Variants in CSMD1 observed in about 807,000 individuals in gnomAD.
The protein encoded by CSMD1 is CUB and Sushi multiple domains 1.
In CSMD1, 213 loss-of-function variants were observed where a neutral mutation model predicts 417.5. The observed-to-expected ratio is 0.51, with a 90% confidence interval of 0.46 to 0.57. CSMD1 has a LOEUF of 0.57. CSMD1 is among the 20% of genes least tolerant of loss of function. CSMD1 has a pLI of 0.00. For synonymous variants in CSMD1, 2,862 were observed against 1,736.8 expected (o/e 1.65, Z -16.11); for missense variants, 6,923 against 4,529.7 (o/e 1.53, Z -15.17).
In CSMD1 at chr8:4,420,041, G is replaced by C. The variant is rs977309876; in HGVS notation, c.327C>G (p.Ser109=). The C allele has an allele frequency of 1.4e-5, 22 of 1,574,500 alleles. No individual in the cohort carries two copies. The highest frequency in any genetic ancestry group is 1.8e-5 in the Non-Finnish European group (21 of 1,158,596). ...GGATAGATCCTGTACTCACTATAGA[G>C]GAGGGCAGCTGAAATCCCGATAATC... ...KVRLSGFQLP[S]SIVSTGSILT... Residue 109 remains serine, a synonymous_variant, in exon 3 of 70, where the codon TCC becomes TCG. Coordinates refer to ENST00000635120, the MANE Select transcript of CSMD1 (RefSeq NM_033225.6).
At chr8:3,953,784 C>G (rs1811741318) in intron 5 of CSMD1, among the ~76,000 whole-genome samples, 1 of 152,028 alleles carries the variant, frequency 6.6e-6, no homozygotes, top group Non-Finnish European at 1.5e-5. Flanking sequence ...CCACAAGCCC[C>G]GCAACACCTC....
intron 27 of CSMD1, 41 bp from the exon 28 acceptor site, chr8:3,223,908 C>A (rs746051170): frequency 1.9e-5 from 31 of 1,602,664 alleles, no homozygotes; most frequent in Non-Finnish European, 2.4e-5. Flanking sequence ...GTAAGGACAG[C>A]GAAGAACGCC....
At chr8:3,998,432 G>A (rs765054387) in intron 4 of CSMD1, among the ~76,000 whole-genome samples, 5 of 152,132 alleles carry the variant, frequency 3.3e-5, no homozygotes, top group Non-Finnish European at 5.9e-5. Flanking sequence ...GATTTTCTCC[G>A]AATCCTGGAA....
intron 1 of CSMD1, among the ~76,000 whole-genome samples, chr8:4,932,934 A>G (rs1807343253): frequency 6.6e-6 from 1 of 152,226 alleles, no homozygotes; most frequent in South Asian, 2.1e-4. Flanking sequence ...AAATTATTAT[A>G]GGTACATAAC....
intron 3 of CSMD1, among the ~76,000 whole-genome samples, chr8:4,058,004 C>T (rs1798785851): frequency 6.6e-6 from 1 of 151,496 alleles, no homozygotes; most frequent in Non-Finnish European, 1.5e-5. Context: ...TTAGGATTGA[C>T]TTGGCAATGT....
chr8:2,938,512 T>G lies in CSMD1; in HGVS notation c.*73A>C. On this transcript the variant is annotated 3_prime_UTR_variant, in exon 70 of 70. Coordinates refer to ENST00000635120, the MANE Select transcript of CSMD1 (RefSeq NM_033225.6). ...AGCCAGAGTGGAAGGGAGAGTGGTATATGGCACCAAAGGAATCACTGCTTG... is the reference window on the plus strand; with the variant it reads ...AGCCAGAGTGGAAGGGAGAGTGGTAGATGGCACCAAAGGAATCACTGCTTG... 7.0e-7 allele frequency: 1 copy of G among 1,430,698 alleles called. No homozygotes were observed. 88.6% of individuals were successfully genotyped at this position (1,430,698 alleles called of 1,614,324 possible). A position where few individuals can be genotyped will look rare whatever the true frequency, so the allele number is the denominator to read the frequency against.
intron 1 of CSMD1, among the ~76,000 whole-genome samples, chr8:4,813,217 A>T (rs1428305551): frequency 6.6e-6 from 1 of 152,234 alleles, no homozygotes; most frequent in Non-Finnish European, 1.5e-5. Flanking sequence ...AATATATTCA[A>T]GGAGCAAATG....
intron 3 of CSMD1, among the ~76,000 whole-genome samples, chr8:4,069,187 C>G (rs1381079562): frequency 2.0e-5 from 3 of 152,060 alleles, no homozygotes; most frequent in Admixed American, 2.0e-4. Context: ...GGCATAAAAC[C>G]ACATACTCTG....
Position 2,966,745 on chromosome 8 carries a change from G to C in CSMD1, c.8925C>G (p.Ala2975=). 6.2e-7 allele frequency: 1 copy of C among 1,612,622 alleles called. No individual in the cohort carries two copies. Among genetic ancestry groups the C allele is most frequent in the Non-Finnish European group, 8.5e-7 (1 of 1,179,358 alleles). Residue 2975 remains alanine (A), a splice_region_variant and synonymous_variant, in exon 58 of 70, where the codon GCC becomes GCG. Transcript: ENST00000635120. The part of the protein sequence containing the change: ...SWSGLQPVCE[A]VSCGNPGTPT... The stretch of plus-strand genomic sequence containing the variant: ...GTGTGCCAGGGTTGCCACAGGACAC[G>C]GCTGTTAGGCAAACAAGAACACCAC...
chr8:4,194,255 G>C (rs924853125), intron 3 of CSMD1, among the ~76,000 whole-genome samples: 2 of 152,078 alleles, frequency 1.3e-5, no homozygotes, highest in Non-Finnish European at 2.9e-5. Flanking sequence ...CAAATGAGGA[G>C]TGAATTTAGA....
intron 12 of CSMD1, among the ~76,000 whole-genome samples, chr8:3,410,715 T>C (rs1175692140): frequency 6.6e-6 from 1 of 152,140 alleles, no homozygotes; most frequent in Non-Finnish European, 1.5e-5. Context: ...ATACAGGGGT[T>C]ATGTTTTATG....
At chr8:2,951,433 G>A (rs1262523218) in intron 65 of CSMD1, among the ~76,000 whole-genome samples, 158 bp from the exon 66 acceptor site, 1 of 152,186 alleles carries the variant, frequency 6.6e-6, no homozygotes, top group Non-Finnish European at 1.5e-5. Flanking sequence ...TTCACAGCAC[G>A]TGCAAAACTC....
At chr8:4,475,804 GATTTC>G (rs1330811212) in intron 2 of CSMD1, among the ~76,000 whole-genome samples, 1 of 151,932 alleles carries the variant, frequency 6.6e-6, no homozygotes. Flanking sequence ...GTACAGATGG[GATTTC>G]ATTATGTTGA....
chr8:3,066,543 A>T (rs997585252), intron 49 of CSMD1, among the ~76,000 whole-genome samples: 1 of 152,200 alleles, frequency 6.6e-6, no homozygotes, highest in Non-Finnish European at 1.5e-5. Flanking sequence ...ATTCTTGAGT[A>T]ATCATGGCTT....
At chr8:3,578,687 C>A (rs1013230443) in intron 9 of CSMD1, among the ~76,000 whole-genome samples, 29 of 152,100 alleles carry the variant, frequency 1.9e-4, no homozygotes, top group African/African-American at 6.5e-4. Flanking sequence ...ATGCAAAGAA[C>A]CGATTGGGCA....
At chr8:4,658,842 A>G (rs1345959798) in intron 1 of CSMD1, among the ~76,000 whole-genome samples, 1 of 152,162 alleles carries the variant, frequency 6.6e-6, no homozygotes, top group Non-Finnish European at 1.5e-5. Flanking sequence ...ATATGTTCCT[A>G]TGTGAACATG....
chr8:3,553,241 A>C (rs2116797134), intron 10 of CSMD1, among the ~76,000 whole-genome samples: 1 of 152,354 alleles, frequency 6.6e-6, no homozygotes, highest in Non-Finnish European at 1.5e-5. Context: ...GTAGGCTTTC[A>C]GTAATGTAGC....
chr8:3,522,780 C>A (rs1019868126), intron 10 of CSMD1, among the ~76,000 whole-genome samples: 6 of 151,570 alleles, frequency 4.0e-5, no homozygotes, highest in African/African-American at 1.2e-4. Context: ...CCCAGGGAAC[C>A]CAACACATTT....
At chr8:3,016,968 C>A (rs1323497227) in intron 52 of CSMD1, among the ~76,000 whole-genome samples, 3 of 152,178 alleles carry the variant, frequency 2.0e-5, no homozygotes, top group South Asian at 2.1e-4. Flanking sequence ...GATCAATAAT[C>A]CCCAAGCTGA....
Sources: allele counts gnomAD v4.1 joint callset (sites outside exome capture counted in the v4.1 genomes callset), GRCh38; gene constraint gnomAD v4.1.1; transcripts MANE v1.5; gene names NCBI Gene and HGNC (gene_info 2026-07-23, HGNC 2026-07-21).